MAP2K5: variants seen among roughly 807,000 people sequenced by gnomAD.
The protein encoded by MAP2K5 is mitogen-activated protein kinase kinase 5.
In MAP2K5, 49 loss-of-function variants were observed where a neutral mutation model predicts 83.1. That is an observed-to-expected ratio of 0.59 (90% CI 0.47 to 0.75). The LOEUF (loss-of-function observed/expected upper bound fraction) is 0.75, where lower values mean the gene tolerates loss of function less well. Ranked by LOEUF, MAP2K5 falls within the 30% of genes least tolerant of loss-of-function variation. The pLI is 0.00. For missense variants in MAP2K5, 457 were observed against 557.5 expected, an observed-to-expected ratio of 0.82 and a Z score of 1.82; for synonymous variants, 202 against 191.8, an observed-to-expected ratio of 1.05 and a Z score of -0.44.
intron 8 of MAP2K5, among the ~76,000 whole-genome samples, chr15:67,608,668 A>G (rs185999827): frequency 1.1e-4 from 17 of 152,230 alleles, no homozygotes; most frequent in African/African-American, 3.6e-4. Context: ...TGAGAAAGAG[A>G]AGATTAAAGG....
intron 8 of MAP2K5, among the ~76,000 whole-genome samples, 187 bp downstream of exon 8, chr15:67,600,936 T>C (rs1322792007): frequency 6.6e-6 from 1 of 152,216 alleles, no homozygotes; most frequent in African/African-American, 2.4e-5. Flanking sequence ...ATTGCCTTTT[T>C]AATATTTCCG....
intron 9 of MAP2K5, among the ~76,000 whole-genome samples, chr15:67,635,188 C>CT (rs35373677): frequency 0.97 from 137,413 of 141,772 alleles, 66,696 homozygotes; most frequent in Middle Eastern, 1. Flanking sequence ...AGATATTTAT[C>CT]TTTTTTTTTT....
chr15:67,679,920 G>A (rs181811236), intron 13 of MAP2K5: 2 of 152,238 alleles, frequency 1.3e-5, no homozygotes, highest in East Asian at 1.9e-4. Flanking sequence ...CCATAATCCA[G>A]TTTTAGAACA....
At chr15:67,606,235 C>G (rs1233543288) in intron 8 of MAP2K5, among the ~76,000 whole-genome samples, 6 of 152,060 alleles carry the variant, frequency 3.9e-5, no homozygotes, top group Non-Finnish European at 8.8e-5. Context: ...GAAAGATTAT[C>G]TTTTATATTA....
At chr15:67,711,848 G>A (rs74947916) in intron 16 of MAP2K5, among the ~76,000 whole-genome samples, 2,944 of 152,354 alleles carry the variant, frequency 0.019, 88 homozygotes, top group African/African-American at 0.061. Context: ...TTGGTGGGAC[G>A]AGATATGTGG....
chr15:67,578,219 C>T (rs1426614158), intron 3 of MAP2K5, among the ~76,000 whole-genome samples: 1 of 152,122 alleles, frequency 6.6e-6, no homozygotes, highest in Admixed American at 6.5e-5. Context: ...CATTCATGTG[C>T]CTTGCTCATC....
intron 12 of MAP2K5, among the ~76,000 whole-genome samples, chr15:67,659,717 G>T (rs1370737614): frequency 6.6e-6 from 1 of 151,544 alleles, no homozygotes; most frequent in Non-Finnish European, 1.5e-5. Flanking sequence ...ATAATAAAGG[G>T]CAAAAAAAGG....
chr15:67,666,618 C>T (rs1055288190), intron 13 of MAP2K5, among the ~76,000 whole-genome samples: 4 of 152,078 alleles, frequency 2.6e-5, no homozygotes, highest in Admixed American at 6.5e-5. Context: ...AGGGCTTTTT[C>T]GTTAGTGACG....
intron 15 of MAP2K5, 87 bp from the exon 16 acceptor site, chr15:67,703,250 T>C: frequency 2.2e-6 from 2 of 914,622 alleles, no homozygotes; most frequent in Non-Finnish European, 3.6e-6. Flanking sequence ...TGTTGGTGGC[T>C]CCTCACCTTA....
rs55811347 is a variant in MAP2K5, at chr15:67,806,685, G to A, written c.1282G>A (p.Ala428Thr). Residue 428 changes from alanine to threonine, a missense_variant, in exon 22 of 22, where the codon GCC becomes ACC. Coordinates refer to ENST00000178640, the MANE Select transcript of MAP2K5 (RefSeq NM_145160.3). ...CGTGCAGTTCAATGATGGAAATGCC[G>A]CCGTGGTGTCCATGTGGGTGTGCCG... ...FIVQFNDGNAAVVSMWVCRAL... is the reference protein window; with the variant it reads ...FIVQFNDGNATVVSMWVCRAL... 36 of 1,551,494 alleles carry A rather than the reference G, an allele frequency of 2.3e-5. No individual in the cohort carries two copies. Among genetic ancestry groups the A allele is most frequent in the Admixed American group, 2.2e-4 (11 of 51,104 alleles).
chr15:67,775,950 C>T lies in MAP2K5; in HGVS notation c.1242+3198C>T, dbSNP rs1028909610. 6.6e-6 allele frequency among the ~76,000 whole-genome samples: 1 copy of T among 152,164 alleles called. No homozygotes were observed. Among genetic ancestry groups the T allele is most frequent in the African/African-American group, 2.4e-5 (1 of 41,424 alleles). On this transcript the variant is annotated intron_variant, in intron 21 of 21. Transcript: ENST00000178640. This position sits in a 1 kb window ranked among gnomAD's most constrained non-coding sequence, Gnocchi z 5.3. ...CAGCTGGGCAATCTCTTAAGACATT[C>T]CACTTCTATACAAGGAACCCTGGGA...
rs2084344174 is a variant in MAP2K5 at position 67,543,889 on chromosome 15, A to T, written c.135+419A>T. On this transcript the variant is annotated intron_variant, in intron 1 of 21. Coordinates refer to ENST00000178640, the MANE Select transcript of MAP2K5 (RefSeq NM_145160.3). This position sits in a 1 kb window ranked among gnomAD's most constrained non-coding sequence, Gnocchi z 4.3. The stretch of plus-strand genomic sequence containing the variant: ...GAGAAAGGGAAAAAGGACAACTTTA[A>T]CTTACCATGTTTGAGCACACTGTTT... Among the ~76,000 whole-genome samples, 1 of 152,170 alleles carries T rather than the reference A, an allele frequency of 6.6e-6. No homozygotes were observed. The highest frequency in any genetic ancestry group is 1.5e-5 in the Non-Finnish European group (1 of 68,022).
chr15:67,684,066 A>G (rs7166237), intron 13 of MAP2K5, among the ~76,000 whole-genome samples: 152,335 of 152,358 alleles, frequency 1, 76,156 homozygotes, highest in Non-Finnish European at 1. Context: ...AATTCACAGA[A>G]CAGAGTCCTA....
chr15:67,742,053 C>T (rs374024605), intron 17 of MAP2K5, among the ~76,000 whole-genome samples: 1 of 152,124 alleles, frequency 6.6e-6, no homozygotes, highest in African/African-American at 2.4e-5. Context: ...TGCCACCACA[C>T]CCGGCTAATT....
At chr15:67,735,695 G>A (rs376144803) in intron 17 of MAP2K5, among the ~76,000 whole-genome samples, 9 of 152,340 alleles carry the variant, frequency 5.9e-5, no homozygotes, top group African/African-American at 1.2e-4. Context: ...GATAGCTGAC[G>A]CTTGAGCCGA....
At chr15:67,678,234 G>C (rs917214612) in intron 13 of MAP2K5, among the ~76,000 whole-genome samples, 1 of 152,036 alleles carries the variant, frequency 6.6e-6, no homozygotes, top group South Asian at 2.1e-4. Context: ...GAGCATTGCT[G>C]AAGATCCCAG....
chr15:67,721,884 T>C (rs1025988712), intron 16 of MAP2K5, among the ~76,000 whole-genome samples: 2 of 152,222 alleles, frequency 1.3e-5, no homozygotes, highest in African/African-American at 2.4e-5. Flanking sequence ...CAAATGTAGA[T>C]GGAAGGGTGT....
chr15:67,754,377 A>G (rs2089785386), intron 19 of MAP2K5, among the ~76,000 whole-genome samples: 2 of 152,350 alleles, frequency 1.3e-5, no homozygotes, highest in South Asian at 4.1e-4. Context: ...GACACACTTA[A>G]ACCACATTCC....
rs919596797 is a variant in MAP2K5 at position 67,630,816 on chromosome 15, C to T, written c.546-72C>T. ...ACTGCTGCAGAAATGTTTGGATTTA[C>T]ATTTATGTCCTTAACCATTTTGTAG... On this transcript the variant is annotated intron_variant, in intron 8 of 21. Transcript: ENST00000178640. 6 of 1,089,558 alleles carry T rather than the reference C, an allele frequency of 5.5e-6. No homozygotes were observed. In the East Asian group the frequency reaches 1.2e-4, roughly 21 times the overall value. 67.5% of individuals were successfully genotyped at this position (1,089,558 alleles called of 1,614,324 possible). A position where few individuals can be genotyped will look rare whatever the true frequency, so the allele number is the denominator to read the frequency against.
Sources: gnomAD v4.1 joint callset for allele counts (sites outside exome capture counted in the v4.1 genomes callset) on GRCh38, gnomAD v4.1.1 for gene constraint, Gnocchi (gnomAD v3.1) non-coding constraint, MANE v1.5 for transcripts, NCBI Gene and HGNC (gene_info 2026-07-23, HGNC 2026-07-21) for gene names.